The following OPRM1 variants were observed in gnomAD, a reference collection of about 807,000 sequenced individuals.
The protein encoded by OPRM1 is opioid receptor mu 1, also known as mu-type opioid receptor.
A neutral mutation model predicts 31.8 loss-of-function variants in OPRM1; 27 were observed. That is an observed-to-expected ratio of 0.85 (90% confidence interval 0.63 to 1.17). The LOEUF is 1.17. Among genes scored for constraint, OPRM1 ranks in the 50% most tolerant of loss-of-function variants. OPRM1 has a pLI of 0.00. For synonymous variants in OPRM1, 196 were observed against 189.9 expected, an observed-to-expected ratio of 1.03 and a Z score of -0.26; for missense variants, 536 against 511.1, an observed-to-expected ratio of 1.05 and a Z score of -0.47.
chr6:154,214,296 CA>C (rs1188452078), intron 3 of OPRM1: 1 of 1,579,850 alleles, frequency 6.3e-7, no homozygotes, highest in Non-Finnish European at 8.7e-7. Flanking sequence ...AAATAGAAAG[CA>C]AATGTTGACC....
intron 3 of OPRM1, among the ~76,000 whole-genome samples, chr6:154,245,850 C>G (rs1780991177): frequency 6.6e-6 from 1 of 152,194 alleles, no homozygotes; most frequent in Non-Finnish European, 1.5e-5. Flanking sequence ...CAACATGATT[C>G]AGGTCACGAA....
At chr6:154,194,090 C>T (rs757254069) in intron 3 of OPRM1, among the ~76,000 whole-genome samples, 2 of 152,198 alleles carry the variant, frequency 1.3e-5, no homozygotes, top group South Asian at 2.1e-4. Context: ...TTAATACCCG[C>T]TCCTCAACGT....
Position 154,119,023 on chromosome 6 carries a change from C to T in OPRM1, c.*302C>T. On this transcript the variant is annotated 3_prime_UTR_variant, in exon 4 of 4. Coordinates refer to ENST00000330432, the MANE Select transcript of OPRM1 (RefSeq NM_000914.5). ...GAAGTCATCATAAAAGGTGACCCTT[C>T]TGTCTGTAAGATTTTATTTTCAAGC... is the stretch of plus-strand genomic sequence containing the variant. The T allele has an allele frequency of 1.8e-6, 2 of 1,124,136 alleles. No homozygotes were observed. The highest frequency in any genetic ancestry group is 2.2e-6 in the Non-Finnish European group (2 of 918,890). 69.6% of individuals were successfully genotyped at this position (1,124,136 alleles called of 1,614,324 possible). A position where few individuals can be genotyped will look rare whatever the true frequency, so the allele number is the denominator to read the frequency against.
chr6:154,243,972 TC>T (rs1780811555), intron 3 of OPRM1, among the ~76,000 whole-genome samples: 1 of 152,164 alleles, frequency 6.6e-6, no homozygotes, highest in African/African-American at 2.4e-5. Flanking sequence ...AGGTGGCTCT[TC>T]CTAAGATGCT....
At chr6:154,081,182 G>C (rs963489048) in intron 1 of OPRM1, among the ~76,000 whole-genome samples, 2 of 152,196 alleles carry the variant, frequency 1.3e-5, no homozygotes, top group African/African-American at 4.8e-5. Flanking sequence ...ACATAGAACT[G>C]ATAGGTTCAA....
chr6:154,167,324 T>C (rs1799521431), intron 3 of OPRM1, among the ~76,000 whole-genome samples: 4 of 152,238 alleles, frequency 2.6e-5, no homozygotes, highest in Admixed American at 2.6e-4. Flanking sequence ...TCCTGTACAC[T>C]TTCCCTTATT....
At chr6:154,147,715 G>C (rs1381136131) in intron 3 of OPRM1, among the ~76,000 whole-genome samples, 1 of 152,150 alleles carries the variant, frequency 6.6e-6, no homozygotes, top group East Asian at 1.9e-4. Context: ...CCTACCATGA[G>C]GAACCCAAAG....
At position 154,131,968 on chromosome 6, in the gene OPRM1, G is replaced by A. The variant is rs1215398967; in HGVS notation, c.*13247G>A. 3.6e-5 allele frequency among the ~76,000 whole-genome samples: 5 copies of A among 140,376 alleles called. No individual in the cohort carries two copies. The Admixed American group carries it at 3.6e-4, about 10-fold the overall frequency. 92.1% of individuals were successfully genotyped at this position (140,376 alleles called of 152,430 possible). On this transcript the variant is annotated 3_prime_UTR_variant, in exon 4 of 4. Coordinates refer to ENST00000330432, the MANE Select transcript of OPRM1 (RefSeq NM_000914.5). ...TTTTTTTTTTTTTTTCTCTTCATTA[G>A]TGTGTTAGTTCCATCATCATGTCTG... is the stretch of plus-strand genomic sequence containing the variant.
intron 3 of OPRM1, among the ~76,000 whole-genome samples, chr6:154,245,577 T>C (rs1780964819): frequency 6.6e-6 from 1 of 152,256 alleles, no homozygotes; most frequent in Non-Finnish European, 1.5e-5. Flanking sequence ...AGTTACATGA[T>C]GTACAGCTCT....
chr6:154,086,737 C>T (rs1199354014), intron 1 of OPRM1: 2 of 985,124 alleles, frequency 2.0e-6, no homozygotes, highest in African/African-American at 1.7e-5. Context: ...ACATAAAACA[C>T]CATTAAAGAT....
intron 1 of OPRM1, among the ~76,000 whole-genome samples, chr6:154,013,899 G>T (rs1215629497): frequency 6.6e-6 from 1 of 152,118 alleles, no homozygotes; most frequent in Non-Finnish European, 1.5e-5. Context: ...GTCACTTCCA[G>T]CTCATTCTAT....
At chr6:154,014,506 A>C (rs1247243575) in intron 1 of OPRM1, among the ~76,000 whole-genome samples, 1 of 152,120 alleles carries the variant, frequency 6.6e-6, no homozygotes, top group East Asian at 1.9e-4. Context: ...ACAAAACTAC[A>C]TACCTGGTAC....
At chr6:154,065,497 C>G (rs967265478) in intron 1 of OPRM1, among the ~76,000 whole-genome samples, 1 of 152,054 alleles carries the variant, frequency 6.6e-6, no homozygotes, top group Non-Finnish European at 1.5e-5. Context: ...TGGTTAATAC[C>G]TAAGTGTTTT....
chr6:154,082,002 C>T (rs1789278036), intron 1 of OPRM1, among the ~76,000 whole-genome samples: 1 of 152,176 alleles, frequency 6.6e-6, no homozygotes, highest in Non-Finnish European at 1.5e-5. Context: ...TATCACCCCT[C>T]GTTCTCTTAG....
intron 1 of OPRM1, among the ~76,000 whole-genome samples, chr6:154,064,403 A>G (rs112398077): frequency 2.0e-5 from 3 of 152,150 alleles, no homozygotes; most frequent in East Asian, 3.9e-4. Context: ...CTTCTCAGAT[A>G]TATGATTTCC....
At chr6:154,151,615 G>C (rs1798500610) in intron 3 of OPRM1, among the ~76,000 whole-genome samples, 1 of 152,202 alleles carries the variant, frequency 6.6e-6, no homozygotes, top group South Asian at 2.1e-4. Context: ...AAAGGGATCT[G>C]GGCAGGGCAT....
chr6:154,023,224 T>G (rs1485726170), intron 1 of OPRM1, among the ~76,000 whole-genome samples: 1 of 149,482 alleles, frequency 6.7e-6, no homozygotes, highest in East Asian at 1.9e-4. Flanking sequence ...TTTACATTTC[T>G]TTTATTACTT....
At chr6:154,199,808 T>C in intron 3 of OPRM1, 1 of 1,614,198 alleles carries the variant, frequency 6.2e-7, no homozygotes, top group Non-Finnish European at 8.5e-7. Context: ...TTCCAGGGCC[T>C]TGTGGATGCC....
At chr6:154,161,142 T>C (rs1456089810) in intron 3 of OPRM1, among the ~76,000 whole-genome samples, 1 of 152,118 alleles carries the variant, frequency 6.6e-6, no homozygotes, top group Non-Finnish European at 1.5e-5. Context: ...CCTCATAAAC[T>C]CTAATTTCTA....
Sources: gnomAD v4.1 joint callset for allele counts (sites outside exome capture counted in the v4.1 genomes callset) on GRCh38, gnomAD v4.1.1 for gene constraint, MANE v1.5 for transcripts, NCBI Gene and HGNC (gene_info 2026-07-23, HGNC 2026-07-21) for gene names.